The following CCDC3 variants were observed in gnomAD, a reference collection of about 807,000 sequenced individuals.
CCDC3 encodes the protein coiled-coil domain-containing protein 3.
Under a neutral mutation model 21.4 loss-of-function variants are expected in CCDC3, and 24 were observed. The ratio of observed to expected loss-of-function variants is 1.12; its 90% CI spans 0.81 to 1.58. The LOEUF is 1.58. Ranked by LOEUF, CCDC3 falls within the 40% of genes most tolerant of loss-of-function variation. CCDC3 has a pLI of 0.00. For missense variants in CCDC3, 425 were observed against 360.9 expected (o/e 1.18, Z -1.44); for synonymous variants, 186 against 166.0 (o/e 1.12, Z -0.93).
intron 3 of CCDC3, among the ~76,000 whole-genome samples, chr10:13,092,973 A>G (rs145289067): frequency 1.1e-3 from 172 of 151,530 alleles, no homozygotes; most frequent in African/African-American, 3.9e-3. Context: ...CAGACAATCT[A>G]GCTAAGGCAG....
In CCDC3 at chr10:12,899,243, A is replaced by G. The variant is rs916586746; in HGVS notation, c.550-564T>C. On this transcript the variant is annotated intron_variant, in intron 2 of 2. Coordinates refer to ENST00000378825, the MANE Select transcript of CCDC3 (RefSeq NM_031455.4). ...AACGCCAGTATCTCTTAAACGCATG[A>G]AAAGATGCTTAACCCCACTCATAAT... Among the ~76,000 whole-genome samples the G allele has an allele frequency of 1.3e-5, 2 of 152,196 alleles. 1 individual carries two copies. The highest frequency in any genetic ancestry group is 3.9e-4 in the East Asian group (2 of 5,192).
At chr10:12,928,517 T>C (rs1342482894) in intron 2 of CCDC3, among the ~76,000 whole-genome samples, 1 of 152,212 alleles carries the variant, frequency 6.6e-6, no homozygotes, top group Non-Finnish European at 1.5e-5. Context: ...TCTTATTCTC[T>C]TGGCAGGGCT....
intron 3 of CCDC3, among the ~76,000 whole-genome samples, chr10:13,087,312 G>A (rs1181486322): frequency 6.6e-6 from 1 of 151,720 alleles, no homozygotes; most frequent in Non-Finnish European, 1.5e-5. Flanking sequence ...GCTGAGGCAG[G>A]AGAATTGCTT....
At chr10:13,023,766 T>A (rs1380162158) in intron 5 of CCDC3, among the ~76,000 whole-genome samples, 1 of 152,090 alleles carries the variant, frequency 6.6e-6, no homozygotes, top group Non-Finnish European at 1.5e-5. Context: ...TGATATCATG[T>A]ACAGAATCTC....
At chr10:12,916,621 G>A (rs1346272739) in intron 2 of CCDC3, among the ~76,000 whole-genome samples, 22 of 142,244 alleles carry the variant, frequency 1.5e-4, no homozygotes, top group Non-Finnish European at 2.0e-4. Context: ...CTCCATCTCA[G>A]AAAAAAAAAA....
chr10:12,929,326 C>G (rs150878785), intron 2 of CCDC3, among the ~76,000 whole-genome samples: 2 of 151,236 alleles, frequency 1.3e-5, no homozygotes, highest in African/African-American at 4.9e-5. Flanking sequence ...ATTTTTGTGC[C>G]CTGTCATGTT....
At chr10:12,975,569 C>T (rs906426520) in intron 2 of CCDC3, among the ~76,000 whole-genome samples, 1 of 152,178 alleles carries the variant, frequency 6.6e-6, no homozygotes, top group African/African-American at 2.4e-5. Context: ...TGCAAGCCTC[C>T]CTTTGTGCAG....
intron 2 of CCDC3, among the ~76,000 whole-genome samples, chr10:12,986,244 C>A (rs1294045424): frequency 1.3e-5 from 2 of 152,164 alleles, no homozygotes; most frequent in Non-Finnish European, 2.9e-5. Flanking sequence ...TAAACTTGCA[C>A]AGAGTTTTAC....
intron 2 of CCDC3, among the ~76,000 whole-genome samples, chr10:12,965,457 C>T (rs2580911): frequency 0.86 from 130,901 of 152,202 alleles, 57,426 homozygotes; most frequent in East Asian, 0.95. Flanking sequence ...ATACACACCA[C>T]AACTAAAATT....
intron 2 of CCDC3, among the ~76,000 whole-genome samples, chr10:12,962,813 T>G (rs1358122710): frequency 1.3e-5 from 2 of 152,176 alleles, no homozygotes; most frequent in Admixed American, 6.5e-5. Context: ...TTTTCCCAAG[T>G]AATGCATCAA....
At chr10:12,986,709 C>T (rs1034042368) in intron 2 of CCDC3, among the ~76,000 whole-genome samples, 1 of 151,152 alleles carries the variant, frequency 6.6e-6, no homozygotes, top group Non-Finnish European at 1.5e-5. Flanking sequence ...GGAGGCGGAG[C>T]TTGCAGTGAG....
chr10:12,919,600 A>AAG (rs1169689066), intron 2 of CCDC3, among the ~76,000 whole-genome samples: 3 of 151,580 alleles, frequency 2.0e-5, no homozygotes, highest in African/African-American at 7.3e-5. Context: ...AAAAAAAAAA[A>AAG]AAAAGAAATG....
chr10:13,077,044 C>G (rs1229365128), intron 3 of CCDC3, among the ~76,000 whole-genome samples: 1 of 152,126 alleles, frequency 6.6e-6, no homozygotes. Context: ...AAAGGGTATT[C>G]AATTAGGAAA....
chr10:12,928,766 C>G (rs1480052447), intron 2 of CCDC3, among the ~76,000 whole-genome samples: 1 of 152,170 alleles, frequency 6.6e-6, no homozygotes, highest in African/African-American at 2.4e-5. Context: ...ACCACAGTTC[C>G]ATCCCTGGAG....
chr10:13,062,821 G>A (rs2131433679), intron 4 of CCDC3, among the ~76,000 whole-genome samples: 1 of 152,224 alleles, frequency 6.6e-6, no homozygotes, highest in East Asian at 1.9e-4. Flanking sequence ...TCCCTAAACT[G>A]CTCCTAAGAT....
intron 3 of CCDC3, among the ~76,000 whole-genome samples, chr10:13,098,128 C>A (rs975897434): frequency 1.3e-5 from 2 of 151,772 alleles, no homozygotes; most frequent in Non-Finnish European, 2.9e-5. Flanking sequence ...TTCAGGGCAC[C>A]CCCCACCCCG....
chr10:12,910,212 T>C (rs1487066397), intron 2 of CCDC3, among the ~76,000 whole-genome samples: 1 of 152,214 alleles, frequency 6.6e-6, no homozygotes, highest in East Asian at 1.9e-4. Context: ...TGACTCTCCT[T>C]GGATTGGAAA....
chr10:13,087,977 T>C (rs1412438553), intron 3 of CCDC3, among the ~76,000 whole-genome samples: 2 of 152,192 alleles, frequency 1.3e-5, no homozygotes, highest in Non-Finnish European at 2.9e-5. Context: ...AGGATTCCAC[T>C]AGTTGGTAAA....
intron 2 of CCDC3, among the ~76,000 whole-genome samples, chr10:12,957,965 A>G (rs1209652366): frequency 6.6e-6 from 1 of 151,864 alleles, no homozygotes; most frequent in Non-Finnish European, 1.5e-5. Flanking sequence ...AAATAGGTGG[A>G]ACTACAGGCT....
Sources: gnomAD v4.1 joint callset for allele counts (sites outside exome capture counted in the v4.1 genomes callset) on GRCh38, gnomAD v4.1.1 for gene constraint, MANE v1.5 for transcripts, NCBI Gene and HGNC (gene_info 2026-07-23, HGNC 2026-07-21) for gene names.